The following GPAT2 variants were observed in gnomAD, a reference collection of about 807,000 sequenced individuals.
The protein encoded by GPAT2 is 1-acylglycerol-3-phosphate O-acyltransferase GPAT2.
GPAT2 carries 51 observed loss-of-function variants against 71.0 expected under a neutral mutation model. The observed-to-expected ratio is 0.72, with a 90% confidence interval of 0.57 to 0.91. GPAT2 has a LOEUF of 0.91. Among genes scored for constraint, GPAT2 ranks in the 40% least tolerant of loss-of-function variants. The pLI is 0.00. For missense variants in GPAT2, 511 were observed against 666.0 expected, an observed-to-expected ratio of 0.77 and a Z score of 2.56; for synonymous variants, 222 against 290.3, an observed-to-expected ratio of 0.76 and a Z score of 2.39.
intron 21 of GPAT2, 62 bp from the exon 22 acceptor site, chr2:96,022,337 G>A (rs570254922): frequency 3.7e-4 from 553 of 1,492,718 alleles, no homozygotes; most frequent in Non-Finnish European, 4.6e-4. Flanking sequence ...ACATGGCCCA[G>A]GGGCCAGGCC....
Position 96,023,123 on chromosome 2 carries a change from C to G in GPAT2, c.2150G>C (p.Gly717Ala). The G allele has an allele frequency of 1.2e-6, 2 of 1,610,792 alleles. No individual in the cohort carries two copies. Among genetic ancestry groups the G allele is most frequent in the East Asian group, 4.5e-5 (2 of 44,724 alleles). Residue 717 changes from glycine to alanine, a missense_variant, in exon 19 of 22, where the codon GGC becomes GCC. Transcript: ENST00000434632. The part of the protein sequence containing the change: ...FAQAAAFLRQ[G>A]QLPDTELGYT... ...GGCCTCACCAGTATCGGGCAGCTGG[C>G]CCTGGCGGAGGAAGGCGGCAGCCTG...
At chr2:96,033,840 C>T (rs1365403312) in intron 1 of GPAT2, among the ~76,000 whole-genome samples, 1 of 118,468 alleles carries the variant, frequency 8.4e-6, no homozygotes, top group African/African-American at 3.1e-5. Flanking sequence ...GCTAGCTCTA[C>T]GGAAGCAGAG....
rs758407297 is a variant in GPAT2, at chr2:96,023,953, G to A, written c.1884C>T (p.Leu628=). 6.8e-6 allele frequency: 11 copies of A among 1,607,170 alleles called. No homozygotes were observed. The highest frequency in any genetic ancestry group is 8.5e-6 in the Non-Finnish European group (10 of 1,177,160). ...YCYCQEVLDR[L]IQCGLLVAEE... is the part of the protein sequence containing the mutation. ...CAGCAACCAGGAGCCCGCATTGGATGAGCCGGTCCAGCACCTCCTGACAGT... is the reference window on the plus strand; with the variant it reads ...CAGCAACCAGGAGCCCGCATTGGATAAGCCGGTCCAGCACCTCCTGACAGT... The change falls in exon 17 of 22, where the codon CTC becomes CTT. Residue 628 remains leucine (L), a synonymous_variant. Coordinates refer to ENST00000434632, the MANE Select transcript of GPAT2 (RefSeq NM_001321527.2).
At chr2:96,032,517 GAC>G in intron 1 of GPAT2, 98 bp from the exon 2 acceptor site, 1 of 820,258 alleles carries the variant, frequency 1.2e-6, no homozygotes, top group Admixed American at 3.6e-5. Flanking sequence ...AGGACAGACA[GAC>G]ATCACTTAGG....
chr2:96,026,067 C>T, intron 11 of GPAT2, 55 bp from the exon 12 acceptor site: 13 of 1,603,050 alleles, frequency 8.1e-6, no homozygotes, highest in Middle Eastern at 4.0e-4. Context: ...GAAACTTGCA[C>T]ACAGCCCACT....
chr2:96,024,392 C>T (rs1187918891), intron 15 of GPAT2, 35 bp downstream of exon 15: 1 of 1,608,486 alleles, frequency 6.2e-7, no homozygotes, highest in Non-Finnish European at 8.5e-7. Flanking sequence ...CCACTGCACA[C>T]ACATCCCACC....
In GPAT2 at chr2:96,024,977, T is replaced by C. The variant is rs1320847723; in HGVS notation, c.1358-134A>G. ...GATGAGGAACGTACACCCGGAGCAGTGGTGTTTATCATCACACAGGCTGAG... is the reference window on the plus strand; with the variant it reads ...GATGAGGAACGTACACCCGGAGCAGCGGTGTTTATCATCACACAGGCTGAG... On this transcript the variant is annotated intron_variant, in intron 13 of 21. Transcript: ENST00000434632. 4.8e-6 allele frequency: 5 copies of C among 1,035,886 alleles called. No homozygotes were observed. The Admixed American group carries it at 9.2e-5, about 19-fold the overall frequency. 64.2% of individuals were successfully genotyped at this position (1,035,886 alleles called of 1,614,324 possible).
intron 13 of GPAT2, chr2:96,025,158 A>G (rs1680261361): frequency 3.5e-6 from 2 of 571,058 alleles, no homozygotes; most frequent in Non-Finnish European, 6.2e-6. Context: ...TACACGTATC[A>G]TTCCATTCAG....
chr2:96,023,363 G>A lies in GPAT2; in HGVS notation c.1992C>T (p.Asp664=), dbSNP rs371059810. 6.2e-7 allele frequency: 1 copy of A among 1,614,202 alleles called. No homozygotes were observed. Residue 664 remains aspartate, a synonymous_variant, in exon 18 of 22, where the codon GAC becomes GAT. Transcript: ENST00000434632. ...SRKLLWKPSG[D]FTDSDSDDFG... is the part of the protein sequence containing the mutation. ...AGTCATCACTGTCACTATCAGTAAA[G>A]TCCCCACTCGGTTTCCACAGCAGCT...
At chr2:96,023,810 C>G (rs1487202953) in intron 17 of GPAT2, 113 bp downstream of exon 17, 13 of 1,495,022 alleles carry the variant, frequency 8.7e-6, no homozygotes, top group Non-Finnish European at 1.2e-5. Context: ...GGCTGCCCAC[C>G]CCCACAGCAC....
chr2:96,025,231 T>C lies in GPAT2; in HGVS notation c.1357+254A>G, dbSNP rs942227556. On this transcript the variant is annotated intron_variant, in intron 13 of 21. Coordinates refer to ENST00000434632, the MANE Select transcript of GPAT2 (RefSeq NM_001321527.2). The stretch of plus-strand genomic sequence containing the variant: ...TCAGAAGGCAGGGCTGGGTGTGGCC[T>C]TGGGGAAGCAGCTGCAGCCTCCTGG... 4 of 570,568 alleles carry C rather than the reference T, an allele frequency of 7.0e-6. No individual in the cohort carries two copies. The African/African-American group carries it at 7.5e-5, about 11-fold the overall frequency. 35.3% of individuals were successfully genotyped at this position (570,568 alleles called of 1,614,324 possible).
rs1242947494 is a variant in GPAT2, at chr2:96,026,190, G to A, written c.1148C>T (p.Ser383Phe). The change falls in exon 11 of 22, where the codon TCC becomes TTC. Residue 383 changes from serine (S) to phenylalanine (F), a missense_variant. By Grantham distance (155) the Ser-to-Phe change is radical. This residue lies in a region of GPAT2 where 79 missense variants were observed against 111.4 expected (regional missense o/e 0.71). Coordinates refer to ENST00000434632, the MANE Select transcript of GPAT2 (RefSeq NM_001321527.2). ...CCCCAGCTGGCTCCATACCTGCAGG[G>A]AAAAGGGCTGAGCTAGGTGCACCCG... ...CSRVHLAQPF[S>F]LQEYIVSARS... 6.2e-7 allele frequency: 1 copy of A among 1,607,870 alleles called. No homozygotes were observed. Among genetic ancestry groups the A allele is most frequent in the Admixed American group, 1.7e-5 (1 of 59,572 alleles).
In GPAT2 at chr2:96,025,465, C is replaced by G. The variant is rs781443598; in HGVS notation, c.1357+20G>C. 76 of 1,572,780 alleles carry G rather than the reference C, an allele frequency of 4.8e-5. No homozygotes were observed. Among genetic ancestry groups the G allele is most frequent in the Non-Finnish European group, 6.1e-5 (71 of 1,159,220 alleles). On this transcript the variant is annotated intron_variant, in intron 13 of 21. Transcript: ENST00000434632. ...GTTCAGTGACCCACCCGCAAAGGCC[C>G]AGATCTGGTTCACCCTCACCACTCA...
Position 96,024,540 on chromosome 2 carries a change from A to G in GPAT2, c.1574T>C (p.Leu525Pro). 1.9e-6 allele frequency: 3 copies of G among 1,613,916 alleles called. No homozygotes were observed. The highest frequency in any genetic ancestry group is 2.5e-6 in the Non-Finnish European group (3 of 1,179,948). The part of the protein sequence containing the change: ...LSLLRAHVAL[L>P]RIRQGDLLVV... ...CAGCAAGTCACCCTGACGGATGCGC[A>G]GCAGGGCCACGTGCGCCCGCAGCAG... The change falls in exon 15 of 22, where the codon CTG (leucine) becomes CCG (proline). Residue 525 changes from leucine to proline, a missense_variant. Leu to Pro is a moderately conservative substitution (Grantham distance 98). Around this residue, in one of 7 missense-constraint regions of GPAT2, gnomAD observed 295 missense variants for 305.5 expected, o/e 0.97. Coordinates refer to ENST00000434632, the MANE Select transcript of GPAT2 (RefSeq NM_001321527.2).
intron 1 of GPAT2, among the ~76,000 whole-genome samples, chr2:96,034,097 C>T (rs1225221293): frequency 7.0e-5 from 10 of 143,216 alleles, no homozygotes; most frequent in Non-Finnish European, 1.1e-4. Context: ...CATATATATA[C>T]ACACACACAC....
intron 6 of GPAT2, among the ~76,000 whole-genome samples, chr2:96,029,090 ATG>A (rs1680533355): frequency 2.0e-5 from 2 of 101,118 alleles, no homozygotes; most frequent in South Asian, 5.0e-4. Flanking sequence ...GTCCACTGGT[ATG>A]TGTTTCTCTG....
rs755839345 is a variant in GPAT2 at position 96,024,173 on chromosome 2, G to A, written c.1836+16C>T. On this transcript the variant is annotated intron_variant, in intron 16 of 21. Transcript: ENST00000434632. Reference sequence around the variant, plus strand: ...GGGAAGGCCTAGGACCAAGTGGGCCGTAGGGGAGGCCTGACCTTTAGCAGC... The same window carrying A: ...GGGAAGGCCTAGGACCAAGTGGGCCATAGGGGAGGCCTGACCTTTAGCAGC... 8.6e-5 allele frequency: 130 copies of A among 1,503,964 alleles called. No individual in the cohort carries two copies. Among genetic ancestry groups the A allele is most frequent in the Middle Eastern group, 2.1e-4 (1 of 4,694 alleles). The allele number at this position is 1,503,964 out of a possible 1,614,324, so 93.2% of individuals were successfully genotyped here. A position where few individuals can be genotyped will look rare whatever the true frequency, so the allele number is the denominator to read the frequency against.
In GPAT2 at chr2:96,024,655, A is replaced by G. The variant is rs2104626414; in HGVS notation, c.1459T>C (p.Phe487Leu). 1 of 1,613,218 alleles carries G rather than the reference A, an allele frequency of 6.2e-7. No individual in the cohort carries two copies. The highest frequency in any genetic ancestry group is 2.2e-5 in the East Asian group (1 of 44,824). Residue 487 changes from phenylalanine to leucine, a missense_variant, in exon 15 of 22, where the codon TTC (phenylalanine) becomes CTC (leucine). Physicochemically the swap from Phe to Leu is conservative, Grantham distance 22 (BLOSUM62 0). Coordinates refer to ENST00000434632, the MANE Select transcript of GPAT2 (RefSeq NM_001321527.2). Reference protein sequence around the residue: ...GVFLSQLLGEFSWLTEEILLR... With the variant: ...GVFLSQLLGELSWLTEEILLR... ...AGTATCTCCTCCGTCAGCCAGGAGA[A>G]CTCCCCCAGGAGCTGCGACAGGAAC...
chr2:96,023,227 C>T lies in GPAT2; in HGVS notation c.2047-1G>A. The stretch of plus-strand genomic sequence containing the variant: ...CTGGGCAGTGTGACTGCTGGCTGAG[C>T]TGGAGGGGACAGGCCGGGGTGAGTG... On this transcript the variant is annotated splice_acceptor_variant, in intron 18 of 21. Transcript: ENST00000434632. LOFTEE classifies it high-confidence loss of function. The T allele has an allele frequency of 6.2e-7, 1 of 1,610,322 alleles. No individual in the cohort carries two copies. Among genetic ancestry groups the T allele is most frequent in the South Asian group, 1.1e-5 (1 of 90,256 alleles).
Sources: allele counts gnomAD v4.1 joint callset (sites outside exome capture counted in the v4.1 genomes callset), GRCh38; gene constraint gnomAD v4.1.1; regional missense constraint gnomAD v4.1.1; transcripts MANE v1.5; gene names NCBI Gene and HGNC (gene_info 2026-07-23, HGNC 2026-07-21).